PBLD: variants seen among roughly 807,000 people sequenced by gnomAD.
The protein encoded by PBLD is phenazine biosynthesis-like domain-containing protein.
A neutral mutation model predicts 31.3 loss-of-function variants in PBLD; 26 were observed. The ratio of observed to expected loss-of-function variants is 0.83; its 90% CI spans 0.61 to 1.15. PBLD has a LOEUF of 1.15. PBLD is among the 50% of genes most tolerant of loss of function. The probability of loss-of-function intolerance (pLI) is 0.00; values close to 1 mark genes in which losing one functional copy is unlikely to be tolerated. For missense variants in PBLD, 307 were observed against 351.7 expected, an observed-to-expected ratio of 0.87 and a Z score of 1.02; for synonymous variants, 114 against 129.0, an observed-to-expected ratio of 0.88 and a Z score of 0.79.
chr10:68,321,123 C>T (rs2044829623), intron 1 of PBLD, among the ~76,000 whole-genome samples: 2 of 152,140 alleles, frequency 1.3e-5, no homozygotes, highest in South Asian at 2.1e-4. Context: ...CCCCTAGCCC[C>T]GACCCCTTTT....
intron 1 of PBLD, among the ~76,000 whole-genome samples, chr10:68,311,831 T>G (rs61334081): frequency 0.049 from 7,415 of 151,744 alleles, 265 homozygotes; most frequent in East Asian, 0.18. Context: ...GCAGGCATAG[T>G]GTTTTTTAGG....
chr10:68,305,551 C>T (rs920917738), intron 2 of PBLD, among the ~76,000 whole-genome samples: 3 of 151,846 alleles, frequency 2.0e-5, no homozygotes, highest in Non-Finnish European at 2.9e-5. Context: ...GTCAGGAGTT[C>T]GAGACCAGCC....
At chr10:68,327,652 C>G (rs186107976) in intron 1 of PBLD, among the ~76,000 whole-genome samples, 1 of 124,746 alleles carries the variant, frequency 8.0e-6, no homozygotes, top group Non-Finnish European at 1.6e-5. Context: ...CCAGCCTGGG[C>G]GACAAAGCAA....
intron 9 of PBLD, chr10:68,285,046 C>T: frequency 8.1e-7 from 1 of 1,235,152 alleles, no homozygotes; most frequent in Non-Finnish European, 1.0e-6. Flanking sequence ...ATCATCCAGT[C>T]TCAACCCATC....
chr10:68,306,727 TTTCAGGTACTGTAA>T lies in PBLD; in HGVS notation c.84+20_84+33del. On this transcript the variant is annotated intron_variant, in intron 2 of 9. Coordinates refer to ENST00000358769, the MANE Select transcript of PBLD (RefSeq NM_022129.4). ...TAATTGTTTCTACAGGAATCTAGAA[TTTCAGGTACTGTAA>T]TTCAAAACCAAGCACTTACATTTTC... is the stretch of plus-strand genomic sequence containing the variant. 1 of 1,566,034 alleles carries T rather than the reference TTTCAGGTACTGTAA, an allele frequency of 6.4e-7. No homozygotes were observed. The highest frequency in any genetic ancestry group is 1.1e-5 in the South Asian group (1 of 88,480).
chr10:68,324,988 G>A (rs2044894248), intron 1 of PBLD, among the ~76,000 whole-genome samples: 1 of 149,640 alleles, frequency 6.7e-6, no homozygotes, highest in South Asian at 2.2e-4. Context: ...GCTCACACCT[G>A]TAATCCCAGA....
chr10:68,290,894 T>C (rs2044350718), intron 6 of PBLD, among the ~76,000 whole-genome samples: 1 of 152,192 alleles, frequency 6.6e-6, no homozygotes, highest in Non-Finnish European at 1.5e-5. Flanking sequence ...TTTTCCACTT[T>C]CTTACCAGTA....
intron 1 of PBLD, among the ~76,000 whole-genome samples, chr10:68,327,039 C>T (rs971487251): frequency 6.6e-5 from 10 of 151,820 alleles, no homozygotes; most frequent in Non-Finnish European, 1.2e-4. Context: ...GAGCGAGACT[C>T]CACTACAAAA....
chr10:68,287,829 G>A (rs893323242), intron 8 of PBLD: 2 of 152,340 alleles, frequency 1.3e-5, no homozygotes, highest in African/African-American at 4.8e-5. Flanking sequence ...GGAGGCCGAG[G>A]AGGGATCATT....
At chr10:68,288,333 T>G in intron 8 of PBLD, 150 bp downstream of exon 8, 1 of 809,860 alleles carries the variant, frequency 1.2e-6, no homozygotes, top group Non-Finnish European at 1.9e-6. Context: ...AAGACTTCAG[T>G]GAAGGGATGG....
At chr10:68,301,815 T>C (rs2134461812) in intron 2 of PBLD, among the ~76,000 whole-genome samples, 1 of 152,354 alleles carries the variant, frequency 6.6e-6, no homozygotes, top group Admixed American at 6.5e-5. Flanking sequence ...CAAAGTCCAC[T>C]GCCCACCAGC....
chr10:68,290,414 G>A (rs1220891747), intron 6 of PBLD, among the ~76,000 whole-genome samples: 1 of 152,152 alleles, frequency 6.6e-6, no homozygotes, highest in East Asian at 1.9e-4. Context: ...GCATGAGTTT[G>A]TACATTGATT....
At chr10:68,328,808 T>A (rs1466264706) in intron 1 of PBLD, among the ~76,000 whole-genome samples, 1 of 152,248 alleles carries the variant, frequency 6.6e-6, no homozygotes, top group Non-Finnish European at 1.5e-5. Context: ...GACTTTTTTT[T>A]TTTTTAAGAA....
Position 68,296,900 on chromosome 10 carries a change from T to C in PBLD, c.170A>G (p.Asp57Gly). The C allele has an allele frequency of 6.2e-7, 1 of 1,613,224 alleles. No individual in the cohort carries two copies. Among genetic ancestry groups the C allele is most frequent in the Non-Finnish European group, 8.5e-7 (1 of 1,179,202 alleles). ...TGCATATTTACTTTGTGCAAAGTTG[T>C]CTGTCGGGTGCAGTTTTCGGATAAA... ...TAFIRKLHPTDNFAQSSCFGL... is the reference protein window; with the variant it reads ...TAFIRKLHPTGNFAQSSCFGL... Residue 57 changes from aspartate (D) to glycine (G), a missense_variant, in exon 3 of 10, where the codon GAC becomes GGC. By Grantham distance (94) the Asp-to-Gly change is moderately conservative. Transcript: ENST00000358769.
chr10:68,287,023 G>A (rs1417092822), intron 8 of PBLD: 1 of 151,880 alleles, frequency 6.6e-6, no homozygotes, highest in East Asian at 1.9e-4. Context: ...CAGCTACTCG[G>A]AAGGCTGAGG....
chr10:68,308,106 A>G (rs888659221), intron 1 of PBLD, among the ~76,000 whole-genome samples: 1 of 152,158 alleles, frequency 6.6e-6, no homozygotes, highest in Non-Finnish European at 1.5e-5. Context: ...CAGATGCTCA[A>G]GTCCCTTATA....
chr10:68,294,467 A>G (rs10762211), intron 4 of PBLD, among the ~76,000 whole-genome samples: 148,057 of 152,326 alleles, frequency 0.97, 72,108 homozygotes, highest in Middle Eastern at 1. Context: ...CCAGAGTGCT[A>G]GTGGCCAACA....
chr10:68,284,084 C>T lies in PBLD; in HGVS notation c.*93G>A, dbSNP rs928454839. 5.9e-6 allele frequency: 7 copies of T among 1,182,244 alleles called. No individual in the cohort carries two copies. The African/African-American group carries it at 9.2e-5, about 16-fold the overall frequency. The allele number at this position is 1,182,244 out of a possible 1,614,324, so 73.2% of individuals were successfully genotyped here. On this transcript the variant is annotated 3_prime_UTR_variant, in exon 10 of 10. Coordinates refer to ENST00000358769, the MANE Select transcript of PBLD (RefSeq NM_022129.4). ...TTTAACATGAGGATTAAGTAGACTA[C>T]TACGCACATTTGCTAAAGGCAGCCC...
intron 6 of PBLD, among the ~76,000 whole-genome samples, chr10:68,291,491 G>A (rs1413789943): frequency 6.6e-6 from 1 of 151,984 alleles, no homozygotes; most frequent in East Asian, 1.9e-4. Flanking sequence ...CAGAAACTGG[G>A]GACACTGACA....
Sources: allele counts gnomAD v4.1 joint callset (sites outside exome capture counted in the v4.1 genomes callset), GRCh38; gene constraint gnomAD v4.1.1; transcripts MANE v1.5; gene names NCBI Gene and HGNC (gene_info 2026-07-23, HGNC 2026-07-21).